PIP4K2A: variants seen among roughly 807,000 people sequenced by gnomAD.
The protein encoded by PIP4K2A is phosphatidylinositol-5-phosphate 4-kinase type 2 alpha, also known as phosphatidylinositol 5-phosphate 4-kinase type-2 alpha.
A neutral mutation model predicts 42.9 loss-of-function variants in PIP4K2A; 14 were observed. The observed-to-expected ratio is 0.33, with a 90% CI of 0.22 to 0.51. The LOEUF is 0.51. Ranked by LOEUF, PIP4K2A falls within the 20% of genes least tolerant of loss-of-function variation. The probability of loss-of-function intolerance (pLI) is 0.97; values close to 1 mark genes in which losing one functional copy is unlikely to be tolerated. For synonymous variants in PIP4K2A, 192 were observed against 192.2 expected, an observed-to-expected ratio of 1.00 and a Z score of 0.01; for missense variants, 434 against 519.8, an observed-to-expected ratio of 0.83 and a Z score of 1.61.
At chr10:22,713,646 C>T (rs914089032) in intron 1 of PIP4K2A, among the ~76,000 whole-genome samples, 8 of 152,226 alleles carry the variant, frequency 5.3e-5, no homozygotes, top group Non-Finnish European at 8.8e-5. Context: ...ACTAAAGCTG[C>T]TGCCCCAAAT....
intron 1 of PIP4K2A, among the ~76,000 whole-genome samples, chr10:22,676,293 C>T (rs1839557062): frequency 6.6e-6 from 1 of 152,088 alleles, no homozygotes; most frequent in Non-Finnish European, 1.5e-5. Flanking sequence ...AGATGTATTC[C>T]CTTCGTATGG....
In PIP4K2A at chr10:22,575,544, T is replaced by C. The variant is rs1837092597; in HGVS notation, c.493-2087A>G. ...GAATATTATACAGCAAATCATTGAC[T>C]AGTTGTCCCCCCTTAGGAAAAAACA... On this transcript the variant is annotated intron_variant, in intron 4 of 9. Coordinates refer to ENST00000376573, the MANE Select transcript of PIP4K2A (RefSeq NM_005028.5). Among the ~76,000 whole-genome samples the C allele has an allele frequency of 3.9e-5, 6 of 152,352 alleles. No individual in the cohort carries two copies. In the South Asian group the frequency reaches 1.2e-3, roughly 32 times the overall value.
intron 7 of PIP4K2A, among the ~76,000 whole-genome samples, chr10:22,549,613 G>A (rs779870095): frequency 2.4e-4 from 37 of 151,760 alleles, no homozygotes; most frequent in South Asian, 2.1e-4. Context: ...AGGCAGAGGC[G>A]GGTGGATCAC....
At chr10:22,571,250 G>T (rs1343105080) in intron 5 of PIP4K2A, among the ~76,000 whole-genome samples, 1 of 152,190 alleles carries the variant, frequency 6.6e-6, no homozygotes, top group African/African-American at 2.4e-5. Context: ...ACTGATGTTT[G>T]CTACAAAATG....
intron 1 of PIP4K2A, among the ~76,000 whole-genome samples, chr10:22,664,154 C>CATATATAT (rs66781717): frequency 4.8e-4 from 30 of 62,280 alleles, no homozygotes; most frequent in Non-Finnish European, 6.5e-4. Context: ...TATATATACA[C>CATATATAT]ATATATATAT....
chr10:22,553,302 T>C (rs989680442), intron 6 of PIP4K2A, among the ~76,000 whole-genome samples: 2 of 152,018 alleles, frequency 1.3e-5, no homozygotes, highest in African/African-American at 2.4e-5. Context: ...CAAGACAGAG[T>C]GCTCAGGGGC....
At chr10:22,709,132 G>A (rs1006269360) in intron 1 of PIP4K2A, among the ~76,000 whole-genome samples, 49 of 150,800 alleles carry the variant, frequency 3.2e-4, no homozygotes, top group African/African-American at 1.1e-3. Flanking sequence ...AAAAGTCCCC[G>A]ATTGATAAAC....
rs55841829 is a variant in PIP4K2A, at chr10:22,574,197, C to CA, written c.493-741_493-740insT. Among the ~76,000 whole-genome samples, 72 of 152,298 alleles carry CA rather than the reference C, an allele frequency of 4.7e-4. 1 individual carries two copies. The highest frequency in any genetic ancestry group is 1.7e-3 in the African/African-American group (72 of 41,556). ...TCCCTGAGAGCAGATTTTCATAAAA[C>CA]GGGTCCCTCTGCACTTCCCAAAGGA... is the stretch of plus-strand genomic sequence containing the variant. On this transcript the variant is annotated intron_variant, in intron 4 of 9. Transcript: ENST00000376573.
intron 4 of PIP4K2A, among the ~76,000 whole-genome samples, chr10:22,590,102 CGTGAGGCTACA>C (rs959054088): frequency 1.3e-5 from 2 of 152,156 alleles, no homozygotes; most frequent in African/African-American, 4.8e-5. Context: ...TGCCAACACA[CGTGAGGCTACA>C]GTGAGAAGCT....
intron 6 of PIP4K2A, among the ~76,000 whole-genome samples, chr10:22,555,912 AAT>A (rs892849135): frequency 2.6e-4 from 39 of 147,658 alleles, no homozygotes; most frequent in African/African-American, 8.6e-4. Flanking sequence ...AAAAAAAAAA[AAT>A]CACAAGAAAA....
intron 1 of PIP4K2A, among the ~76,000 whole-genome samples, chr10:22,681,703 AT>A (rs1321795082): frequency 2.6e-5 from 4 of 152,032 alleles, no homozygotes; most frequent in African/African-American, 9.7e-5. Flanking sequence ...ATAAAATTAA[AT>A]TAAAATTAAA....
intron 1 of PIP4K2A, among the ~76,000 whole-genome samples, chr10:22,648,718 C>G (rs750195691): frequency 2.6e-5 from 4 of 152,304 alleles, no homozygotes; most frequent in South Asian, 2.1e-4. Flanking sequence ...TTCCTTCACA[C>G]GCTTCAAGGA....
intron 7 of PIP4K2A, among the ~76,000 whole-genome samples, chr10:22,545,738 TC>T (rs1488782959): frequency 6.6e-6 from 1 of 152,222 alleles, no homozygotes; most frequent in African/African-American, 2.4e-5. Flanking sequence ...GGGATCTTGC[TC>T]TGTTGCCCAG....
chr10:22,547,577 C>A (rs956437975), intron 7 of PIP4K2A, among the ~76,000 whole-genome samples: 3 of 152,344 alleles, frequency 2.0e-5, no homozygotes, highest in Non-Finnish European at 2.9e-5. Context: ...CTACTCCCAC[C>A]GCCCTATCCC....
chr10:22,701,602 C>A (rs550708841), intron 1 of PIP4K2A, among the ~76,000 whole-genome samples: 6 of 152,230 alleles, frequency 3.9e-5, no homozygotes, highest in Non-Finnish European at 8.8e-5. Context: ...TTTGGCTTCT[C>A]ACTGTCTCAC....
chr10:22,595,081 G>A (rs922992488), intron 3 of PIP4K2A, among the ~76,000 whole-genome samples: 1 of 152,140 alleles, frequency 6.6e-6, no homozygotes, highest in African/African-American at 2.4e-5. Flanking sequence ...TGTATTAAAA[G>A]CCTTATCTGA....
At chr10:22,618,910 T>C (rs181764655) in intron 1 of PIP4K2A, among the ~76,000 whole-genome samples, 1 of 152,362 alleles carries the variant, frequency 6.6e-6, no homozygotes, top group Admixed American at 6.5e-5. Context: ...TTTTGATGTG[T>C]ATTGGTAGCA....
chr10:22,689,227 C>G (rs558138418), intron 1 of PIP4K2A, among the ~76,000 whole-genome samples: 2 of 151,998 alleles, frequency 1.3e-5, no homozygotes, highest in East Asian at 3.9e-4. Context: ...CATCTCCATG[C>G]TTGTGACACA....
chr10:22,621,086 G>A (rs560600956), intron 1 of PIP4K2A, among the ~76,000 whole-genome samples: 3 of 152,332 alleles, frequency 2.0e-5, no homozygotes, highest in South Asian at 4.1e-4. Flanking sequence ...CTTCAGCCAC[G>A]TAAAGTTAAG....
Sources: gnomAD v4.1 joint callset for allele counts (sites outside exome capture counted in the v4.1 genomes callset) on GRCh38, gnomAD v4.1.1 for gene constraint, MANE v1.5 for transcripts, NCBI Gene and HGNC (gene_info 2026-07-23, HGNC 2026-07-21) for gene names.